The following AGMO variants were observed in gnomAD, a reference collection of about 807,000 sequenced individuals.
AGMO encodes alkylglycerol monooxygenase.
Under a neutral mutation model 60.2 loss-of-function variants are expected in AGMO, and 75 were observed. The ratio of observed to expected loss-of-function variants is 1.25; its 90% CI spans 1.03 to 1.51. AGMO has a LOEUF of 1.51. Ranked by LOEUF, AGMO falls within the 40% of genes most tolerant of loss-of-function variation. The probability of loss-of-function intolerance (pLI) is 0.00; values close to 1 mark genes in which losing one functional copy is unlikely to be tolerated. For synonymous variants in AGMO, 261 were observed against 177.1 expected (o/e 1.47, Z -3.76); for missense variants, 763 against 525.5 (o/e 1.45, Z -4.42).
intron 12 of AGMO, among the ~76,000 whole-genome samples, chr7:15,211,851 T>TA (rs1420202032): frequency 1.3e-5 from 2 of 152,048 alleles, no homozygotes; most frequent in Non-Finnish European, 2.9e-5. Context: ...TTTTTAGTTA[T>TA]AGTGTTTCTT....
At chr7:15,536,367 T>A (rs1784484398) in intron 3 of AGMO, among the ~76,000 whole-genome samples, 1 of 151,974 alleles carries the variant, frequency 6.6e-6, no homozygotes, top group Non-Finnish European at 1.5e-5. Flanking sequence ...AAATTTAATT[T>A]TCTATATTAC....
intron 3 of AGMO, among the ~76,000 whole-genome samples, chr7:15,466,342 G>C (rs940711564): frequency 6.6e-6 from 1 of 152,142 alleles, no homozygotes; most frequent in Non-Finnish European, 1.5e-5. Flanking sequence ...CATCCTTGCT[G>C]CTCGTAAGCA....
At chr7:15,426,306 A>C (rs1445703617) in intron 4 of AGMO, among the ~76,000 whole-genome samples, 1 of 152,208 alleles carries the variant, frequency 6.6e-6, no homozygotes, top group African/African-American at 2.4e-5. Context: ...GTAGACACTT[A>C]CATATACTAG....
intron 12 of AGMO, among the ~76,000 whole-genome samples, chr7:15,289,082 C>T (rs1253988165): frequency 2.6e-5 from 4 of 151,654 alleles, no homozygotes; most frequent in East Asian, 1.9e-4. Context: ...CAAATCTTAA[C>T]AGTAATGGCA....
chr7:15,495,219 C>T (rs776829306), intron 3 of AGMO, among the ~76,000 whole-genome samples: 3 of 152,142 alleles, frequency 2.0e-5, no homozygotes, highest in African/African-American at 4.8e-5. Flanking sequence ...CCTTAAGCTC[C>T]AGGACTCAGA....
intron 12 of AGMO, among the ~76,000 whole-genome samples, chr7:15,343,480 A>G (rs1011628897): frequency 6.6e-6 from 1 of 152,170 alleles, no homozygotes; most frequent in Non-Finnish European, 1.5e-5. Flanking sequence ...AGAAACAGTT[A>G]AAAGATTTTT....
At chr7:15,459,223 A>C (rs1227749414) in intron 3 of AGMO, among the ~76,000 whole-genome samples, 2 of 152,236 alleles carry the variant, frequency 1.3e-5, no homozygotes, top group Non-Finnish European at 2.9e-5. Flanking sequence ...GCCAATTCAA[A>C]TAAAATCACC....
At chr7:15,185,584 G>T in the AGMO span, among the ~76,000 whole-genome samples, 1 of 152,092 alleles carries the variant, frequency 6.6e-6, no homozygotes, top group Non-Finnish European at 1.5e-5. Context: ...ACTGCCAGTC[G>T]GCATCCCAAG....
intron 3 of AGMO, among the ~76,000 whole-genome samples, chr7:15,433,778 GTA>G (rs10670524): frequency 2.0e-5 from 3 of 150,820 alleles, no homozygotes; most frequent in East Asian, 2.0e-4. Context: ...ATTAATATAT[GTA>G]TATGTTATTA....
chr7:15,528,133 T>C (rs1784172997), intron 3 of AGMO, among the ~76,000 whole-genome samples: 1 of 152,140 alleles, frequency 6.6e-6, no homozygotes, highest in Admixed American at 6.6e-5. Context: ...ACCATTGCCA[T>C]AGATAGTGAT....
At chr7:15,242,390 C>G (rs1401271538) in intron 12 of AGMO, among the ~76,000 whole-genome samples, 2 of 152,072 alleles carry the variant, frequency 1.3e-5, no homozygotes, top group African/African-American at 4.8e-5. Flanking sequence ...CTTCACATCA[C>G]AAGGTTGTAG....
At chr7:15,443,128 C>G (rs1781605542) in intron 3 of AGMO, among the ~76,000 whole-genome samples, 1 of 152,224 alleles carries the variant, frequency 6.6e-6, no homozygotes. Context: ...TCCAATTCTT[C>G]TGGTACACCA....
intron 12 of AGMO, among the ~76,000 whole-genome samples, chr7:15,273,729 C>T (rs1209257043): frequency 5.3e-5 from 8 of 152,218 alleles, no homozygotes; most frequent in East Asian, 1.9e-4. Flanking sequence ...GCCATTTTCA[C>T]GGTATTGATT....
At chr7:15,480,707 T>G (rs547809103) in intron 3 of AGMO, among the ~76,000 whole-genome samples, 1 of 152,248 alleles carries the variant, frequency 6.6e-6, no homozygotes, top group African/African-American at 2.4e-5. Flanking sequence ...GAAAATTTTA[T>G]AGTTTGGATC....
At chr7:15,263,036 A>C (rs762985577) in intron 12 of AGMO, among the ~76,000 whole-genome samples, 6 of 152,188 alleles carry the variant, frequency 3.9e-5, no homozygotes, top group Non-Finnish European at 5.9e-5. Context: ...CCTCATGACG[A>C]AGAACCCAAA....
intron 6 of AGMO, among the ~76,000 whole-genome samples, chr7:15,391,213 A>G (rs10240048): frequency 0.069 from 10,535 of 152,172 alleles, 470 homozygotes; most frequent in African/African-American, 0.12. Context: ...AAGAATAAAA[A>G]TTAAGAATTA....
chr7:15,310,528 T>C (rs1780739729), intron 12 of AGMO, among the ~76,000 whole-genome samples: 1 of 152,176 alleles, frequency 6.6e-6, no homozygotes, highest in African/African-American at 2.4e-5. Flanking sequence ...GTCCTTATTT[T>C]CCTATATCAT....
chr7:15,173,363 T>C, the AGMO span, among the ~76,000 whole-genome samples: 1 of 152,178 alleles, frequency 6.6e-6, no homozygotes, highest in African/African-American at 2.4e-5. Context: ...TAGGAAGGGA[T>C]AAAATGTCAT....
At chr7:15,542,286 G>T (rs972276621) in intron 3 of AGMO, among the ~76,000 whole-genome samples, 1 of 152,100 alleles carries the variant, frequency 6.6e-6, no homozygotes, top group Non-Finnish European at 1.5e-5. Context: ...GGTTGTGAAT[G>T]TTTTTCCAGA....
Sources: gnomAD v4.1 joint callset for allele counts (sites outside exome capture counted in the v4.1 genomes callset) on GRCh38, gnomAD v4.1.1 for gene constraint, MANE v1.5 for transcripts, NCBI Gene and HGNC (gene_info 2026-07-23, HGNC 2026-07-21) for gene names.